MED30: variants seen among roughly 807,000 people sequenced by gnomAD.
The protein encoded by MED30 is mediator of RNA polymerase II transcription subunit 30.
Under a neutral mutation model 21.7 loss-of-function variants are expected in MED30, and 8 were observed. The ratio of observed to expected loss-of-function variants is 0.37; its 90% confidence interval spans 0.22 to 0.67. The LOEUF is 0.67. Ranked by LOEUF, MED30 falls within the 30% of genes least tolerant of loss-of-function variation. MED30 has a pLI of 0.58. For missense variants in MED30, 203 were observed against 228.2 expected (o/e 0.89, Z 0.71); for synonymous variants, 79 against 86.7 (o/e 0.91, Z 0.49).
At chr8:117,525,867 C>G (rs529182057) in intron 1 of MED30, among the ~76,000 whole-genome samples, 1 of 151,972 alleles carries the variant, frequency 6.6e-6, no homozygotes, top group Admixed American at 6.5e-5. Flanking sequence ...TCAGAATTTC[C>G]CTGGCTATTC....
At chr8:117,535,922 T>A (rs1818872139) in intron 3 of MED30, among the ~76,000 whole-genome samples, 1 of 152,108 alleles carries the variant, frequency 6.6e-6, no homozygotes, top group Non-Finnish European at 1.5e-5. Flanking sequence ...CTTTTTTTTT[T>A]ATACTGAGGA....
intron 1 of MED30, among the ~76,000 whole-genome samples, chr8:117,522,691 T>C (rs886604976): frequency 6.6e-6 from 1 of 150,730 alleles, no homozygotes; most frequent in African/African-American, 2.4e-5. Context: ...ATAAGAGTAA[T>C]TCAGTTTCGT....
rs536331363 is a variant in MED30 at position 117,536,585 on chromosome 8, T to C, written c.442-3298T>C. ...TTATGGTCTGTCTGGTTTCTAACAA[T>C]ACAAAAACCACCAATAACTATCCTG... is the stretch of plus-strand genomic sequence containing the variant. On this transcript the variant is annotated intron_variant, in intron 3 of 3. Coordinates refer to ENST00000297347, the MANE Select transcript of MED30 (RefSeq NM_080651.4). 3.3e-5 allele frequency among the ~76,000 whole-genome samples: 5 copies of C among 152,316 alleles called. No homozygotes were observed. The East Asian group carries it at 9.6e-4, about 29-fold the overall frequency.
In MED30 at chr8:117,534,850, GT is replaced by G. The variant is rs3040827; in HGVS notation, c.441+4041del. ...TTAACTGCTAAAAGGCAAACAAATT[GT>G]TTTTTTTTTTTTTTTTTACCAAAAG... On this transcript the variant is annotated intron_variant, in intron 3 of 3. Transcript: ENST00000297347. Among the ~76,000 whole-genome samples the G allele has an allele frequency of 7.8e-3, 941 of 121,022 alleles. 10 individuals are homozygous for G. The highest frequency in any genetic ancestry group is 0.062 in the South Asian group (232 of 3,748). The allele number at this position is 121,022 out of a possible 152,430, so 79.4% of individuals were successfully genotyped here. A position where few individuals can be genotyped will look rare whatever the true frequency, so the allele number is the denominator to read the frequency against.
At chr8:117,534,511 C>T (rs965584803) in intron 3 of MED30, among the ~76,000 whole-genome samples, 13 of 144,774 alleles carry the variant, frequency 9.0e-5, no homozygotes, top group African/African-American at 1.7e-4. Flanking sequence ...TTTTAGTTAA[C>T]GTGATATCAA....
chr8:117,529,259 CTAAATT>C (rs1191299220), intron 2 of MED30, among the ~76,000 whole-genome samples: 1 of 151,724 alleles, frequency 6.6e-6, no homozygotes, highest in Non-Finnish European at 1.5e-5. Flanking sequence ...AATATATTCT[CTAAATT>C]TAATCTTGGG....
rs958967723 is a variant in MED30, at chr8:117,528,673, A to G, written c.200A>G (p.His67Arg). ...NMQLPNGVTY[H>R]TGTYQDRLTK... is the part of the protein sequence containing the mutation. Reference sequence around the variant, plus strand: ...AAGCTGCCAAATGGTGTCACTTACCACACTGGAACATATCAAGACCGGTTA... The same window carrying G: ...AAGCTGCCAAATGGTGTCACTTACCGCACTGGAACATATCAAGACCGGTTA... Residue 67 changes from histidine (H) to arginine (R), a missense_variant, in exon 2 of 4, where the codon CAC becomes CGC. Coordinates refer to ENST00000297347, the MANE Select transcript of MED30 (RefSeq NM_080651.4). 18 of 1,591,626 alleles carry G rather than the reference A, an allele frequency of 1.1e-5. No homozygotes were observed. The highest frequency in any genetic ancestry group is 1.5e-5 in the Non-Finnish European group (17 of 1,171,658).
In MED30 at chr8:117,525,559, G is replaced by A. The variant is rs376701258; in HGVS notation, c.178-3092G>A. Among the ~76,000 whole-genome samples the A allele has an allele frequency of 5.3e-5, 8 of 151,896 alleles. No individual in the cohort carries two copies. The East Asian group carries it at 1.2e-3, about 22-fold the overall frequency. On this transcript the variant is annotated intron_variant, in intron 1 of 3. Coordinates refer to ENST00000297347, the MANE Select transcript of MED30 (RefSeq NM_080651.4). ...CTAGGCCTTATGCCTAGTTAGAAAG[G>A]TCTTCCCCACTCAAATTAGGAAGAA... is the stretch of plus-strand genomic sequence containing the variant.
chr8:117,520,949 G>T lies in MED30; in HGVS notation c.73G>T (p.Ala25Ser), dbSNP rs6994975. Residue 25 changes from alanine (A) to serine (S), a missense_variant, in exon 1 of 4, where the codon GCC becomes TCC. Transcript: ENST00000297347. ...CGCCGGGCCCCAGGCTCAGCAGGCC[G>T]CCCGGGAAGTCAACACGGCGTCGCT... ...PFAGPQAQQA[A>S]REVNTASLCR... 3,623 of 1,612,398 alleles carry T rather than the reference G, an allele frequency of 2.2e-3. 78 individuals carry two copies. In the African/African-American group the frequency reaches 0.043, roughly 19 times the overall value.
chr8:117,535,838 T>C (rs903320681), intron 3 of MED30, among the ~76,000 whole-genome samples: 3 of 152,160 alleles, frequency 2.0e-5, no homozygotes, highest in African/African-American at 7.2e-5. Context: ...CACTAAAACA[T>C]TGAAAATACA....
intron 1 of MED30, 36 bp downstream of exon 1, chr8:117,521,089 G>A: frequency 6.5e-7 from 1 of 1,543,824 alleles, no homozygotes. Context: ...GGGGGATGCA[G>A]CTGGGAGGGA....
chr8:117,521,326 C>T (rs547410565), intron 1 of MED30, among the ~76,000 whole-genome samples: 1 of 152,262 alleles, frequency 6.6e-6, no homozygotes, highest in East Asian at 1.9e-4. Flanking sequence ...CCTTTCAAGG[C>T]AGAGATGGGT....
At chr8:117,526,441 A>G (rs1156419803) in intron 1 of MED30, among the ~76,000 whole-genome samples, 2 of 152,076 alleles carry the variant, frequency 1.3e-5, no homozygotes, top group Non-Finnish European at 2.9e-5. Flanking sequence ...TAACTGAAAT[A>G]AATGTATGTT....
At chr8:117,538,913 C>G (rs1184678208) in intron 3 of MED30, among the ~76,000 whole-genome samples, 5 of 152,204 alleles carry the variant, frequency 3.3e-5, no homozygotes, top group African/African-American at 1.2e-4. Context: ...GCAATTCATG[C>G]TATAGGCAAA....
Position 117,521,021 on chromosome 8 carries a change from A to G in MED30, c.145A>G (p.Met49Val), listed in dbSNP as rs1285475742. The G allele has an allele frequency of 1.9e-6, 3 of 1,596,328 alleles. No homozygotes were observed. The highest frequency in any genetic ancestry group is 3.4e-5 in the Admixed American group (2 of 58,694). The change falls in exon 1 of 4, where the codon ATG (methionine) becomes GTG (valine). Residue 49 changes from methionine (M) to valine (V), a missense_variant. Coordinates refer to ENST00000297347, the MANE Select transcript of MED30 (RefSeq NM_080651.4). ...ETVQDIVYRT[M>V]EIFQLLRNMQ... is the part of the protein sequence containing the mutation. ...AGTGCAGGACATCGTGTACCGCACC[A>G]TGGAGATCTTCCAGCTCCTGAGGAA...
rs1431872688 is a variant in MED30 at position 117,540,248 on chromosome 8, TTAAA to T, written c.*276_*279del. On this transcript the variant is annotated 3_prime_UTR_variant, in exon 4 of 4. Coordinates refer to ENST00000297347, the MANE Select transcript of MED30 (RefSeq NM_080651.4). ...TTTTTTTAAAGCAAAATAAAGTTTT[TTAAA>T]TAAATGTTAATATTTGATTAATGGA... is the stretch of plus-strand genomic sequence containing the variant. 5 of 212,656 alleles carry T rather than the reference TTAAA, an allele frequency of 2.4e-5. No homozygotes were observed. Among genetic ancestry groups the T allele is most frequent in the African/African-American group, 9.3e-5 (4 of 42,826 alleles). The allele number at this position is 212,656 out of a possible 1,614,324, so 13.2% of individuals were successfully genotyped here.
chr8:117,530,074 T>A (rs148746128), intron 2 of MED30, among the ~76,000 whole-genome samples: 1 of 152,152 alleles, frequency 6.6e-6, no homozygotes, highest in African/African-American at 2.4e-5. Flanking sequence ...GCCACACTTA[T>A]GCGGTAAATT....
At chr8:117,536,865 T>G (rs989195691) in intron 3 of MED30, among the ~76,000 whole-genome samples, 6 of 152,196 alleles carry the variant, frequency 3.9e-5, no homozygotes, top group African/African-American at 1.2e-4. Flanking sequence ...AGAATTGTTT[T>G]GGGCCACATA....
Position 117,539,748 on chromosome 8 carries a change from AC to A in MED30, c.442-133del, listed in dbSNP as rs199870510. 3.4e-3 allele frequency: 2,017 copies of A among 586,180 alleles called. 38 individuals carry two copies. The African/African-American group carries it at 0.037, about 11-fold the overall frequency. 36.3% of individuals were successfully genotyped at this position (586,180 alleles called of 1,614,324 possible). On this transcript the variant is annotated intron_variant, in intron 3 of 3. Coordinates refer to ENST00000297347, the MANE Select transcript of MED30 (RefSeq NM_080651.4). ...TATTTAAGGCCAGAAGAGGGTTGAG[AC>A]CATCTGCCTTATAGGGTTATTTAGC...
Sources: allele counts gnomAD v4.1 joint callset (sites outside exome capture counted in the v4.1 genomes callset), GRCh38; gene constraint gnomAD v4.1.1; transcripts MANE v1.5; gene names NCBI Gene and HGNC (gene_info 2026-07-23, HGNC 2026-07-21).